The following THSD4 variants were observed in gnomAD, a reference collection of about 807,000 sequenced individuals.
The protein encoded by THSD4 is thrombospondin type 1 domain containing 4, also known as thrombospondin type-1 domain-containing protein 4.
THSD4 carries 69 observed loss-of-function variants against 119.0 expected under a neutral mutation model. That is an observed-to-expected ratio of 0.58 (90% CI 0.48 to 0.71). The LOEUF is 0.71. Ranked by LOEUF, THSD4 falls within the 30% of genes least tolerant of loss-of-function variation. The pLI, the probability that THSD4 is intolerant of heterozygous loss-of-function variation, is 0.00. For synonymous variants in THSD4, 524 were observed against 540.4 expected, an observed-to-expected ratio of 0.97 and a Z score of 0.42; for missense variants, 1,393 against 1,391.1, an observed-to-expected ratio of 1.00 and a Z score of -0.02.
chr15:71,261,790 A>C (rs147611613), intron 6 of THSD4, among the ~76,000 whole-genome samples: 2 of 152,360 alleles, frequency 1.3e-5, no homozygotes, highest in East Asian at 3.9e-4. Context: ...TTAATCAGCT[A>C]TCCTTTACCA....
chr15:71,507,064 T>A (rs967884277), intron 7 of THSD4, among the ~76,000 whole-genome samples: 1 of 152,190 alleles, frequency 6.6e-6, no homozygotes, highest in Non-Finnish European at 1.5e-5. Context: ...GGAGCCTTTT[T>A]AGATGTGTAT....
intron 7 of THSD4, among the ~76,000 whole-genome samples, chr15:71,634,528 G>A (rs1217597147): frequency 6.6e-6 from 1 of 152,200 alleles, no homozygotes; most frequent in Non-Finnish European, 1.5e-5. Context: ...GCTGCAGCTG[G>A]ACAAGTAATA....
At position 71,409,463 on chromosome 15, in the gene THSD4, T is replaced by A. The variant is rs548069246; in HGVS notation, c.1016-2224T>A. Among the ~76,000 whole-genome samples, 10 of 152,340 alleles carry A rather than the reference T, an allele frequency of 6.6e-5. No individual in the cohort carries two copies. The South Asian group carries it at 2.1e-3, about 32-fold the overall frequency. Reference sequence around the variant, plus strand: ...ATTTTGCCTCCAACTTGTCACTTCCTTTCTTAAGCCTGTTTTTTAATCTAT... The same window carrying A: ...ATTTTGCCTCCAACTTGTCACTTCCATTCTTAAGCCTGTTTTTTAATCTAT... On this transcript the variant is annotated intron_variant, in intron 6 of 17. Coordinates refer to ENST00000261862, the MANE Select transcript of THSD4 (RefSeq NM_024817.3).
intron 7 of THSD4, among the ~76,000 whole-genome samples, chr15:71,423,111 G>C (rs1213928752): frequency 3.3e-5 from 5 of 150,880 alleles, no homozygotes; most frequent in African/African-American, 1.2e-4. Context: ...GCCCAGGGCA[G>C]GTGCAGAAAT....
At chr15:71,602,279 C>T (rs190425382) in intron 7 of THSD4, among the ~76,000 whole-genome samples, 250 of 152,004 alleles carry the variant, frequency 1.6e-3, no homozygotes, top group Non-Finnish European at 1.6e-3. Context: ...CTCGGCCAGG[C>T]GCAGTGGCTC....
At chr15:71,216,897 A>G (rs1304524699) in intron 4 of THSD4, among the ~76,000 whole-genome samples, 4 of 152,158 alleles carry the variant, frequency 2.6e-5, no homozygotes, top group Non-Finnish European at 5.9e-5. Flanking sequence ...TCCGGGTTCA[A>G]GCTATTCTCA....
At chr15:71,244,498 G>A (rs2044182432) in intron 5 of THSD4, among the ~76,000 whole-genome samples, 1 of 152,062 alleles carries the variant, frequency 6.6e-6, no homozygotes, top group African/African-American at 2.4e-5. Context: ...TGAATGCCTG[G>A]GTTGCTTTTT....
chr15:71,602,035 G>C (rs1281641176), intron 7 of THSD4, among the ~76,000 whole-genome samples: 1 of 152,154 alleles, frequency 6.6e-6, no homozygotes, highest in Non-Finnish European at 1.5e-5. Flanking sequence ...TGGGATTTCA[G>C]CTGGATCTTA....
chr15:71,172,702 T>TATATGTGAC (rs1555452564), intron 3 of THSD4, among the ~76,000 whole-genome samples: 1 of 103,070 alleles, frequency 9.7e-6, no homozygotes, highest in African/African-American at 5.0e-5. Context: ...TATATATATA[T>TATATGTGAC]ATATATATAT....
chr15:71,099,558 G>A (rs2040245374), intron 1 of THSD4, among the ~76,000 whole-genome samples: 1 of 152,060 alleles, frequency 6.6e-6, no homozygotes. Flanking sequence ...TTGTTCTAAA[G>A]TTGATTTTAA....
chr15:71,591,670 C>G (rs2049809299), intron 7 of THSD4, among the ~76,000 whole-genome samples: 1 of 151,660 alleles, frequency 6.6e-6, no homozygotes, highest in African/African-American at 2.4e-5. Context: ...CCAGTGTAAC[C>G]TTCTGCAAGA....
At chr15:71,097,708 G>GTATA (rs199991097) in intron 1 of THSD4, among the ~76,000 whole-genome samples, 29 of 138,198 alleles carry the variant, frequency 2.1e-4, no homozygotes, top group South Asian at 7.3e-4. Context: ...ACAGAAAGAT[G>GTATA]TATATATATA....
chr15:71,701,740 A>T (rs1434777162), intron 8 of THSD4, among the ~76,000 whole-genome samples: 1 of 152,156 alleles, frequency 6.6e-6, no homozygotes, highest in African/African-American at 2.4e-5. Flanking sequence ...AATTTTGTTT[A>T]TGCCTGTCCG....
chr15:71,415,793 C>A (rs1042024926), intron 7 of THSD4, among the ~76,000 whole-genome samples: 1 of 151,958 alleles, frequency 6.6e-6, no homozygotes, highest in Non-Finnish European at 1.5e-5. Flanking sequence ...CCAAGTTTGT[C>A]TTTTTGTTTG....
intron 7 of THSD4, among the ~76,000 whole-genome samples, chr15:71,567,945 A>G (rs1338161523): frequency 5.9e-5 from 9 of 151,816 alleles, no homozygotes. Context: ...CTCTTCACCC[A>G]CCTTACCCTT....
intron 1 of THSD4, among the ~76,000 whole-genome samples, chr15:71,140,744 G>A (rs767591872): frequency 1.3e-5 from 2 of 152,236 alleles, no homozygotes; most frequent in Non-Finnish European, 2.9e-5. Context: ...ACAATTTCGT[G>A]TACAATTCAG....
chr15:71,377,191 C>A (rs2046150051), intron 6 of THSD4, among the ~76,000 whole-genome samples: 1 of 152,200 alleles, frequency 6.6e-6, no homozygotes, highest in African/African-American at 2.4e-5. Context: ...GGAATAACAT[C>A]AAACCTGACA....
intron 7 of THSD4, among the ~76,000 whole-genome samples, chr15:71,568,407 A>G (rs1046779806): frequency 4.6e-5 from 7 of 151,980 alleles, no homozygotes; most frequent in Admixed American, 2.0e-4. Context: ...GGATCCCGGG[A>G]TTCTATTTTG....
rs1228914603 is a variant in THSD4 at position 71,256,716 on chromosome 15, G to A, written c.1015+1G>A. 8 of 1,613,304 alleles carry A rather than the reference G, an allele frequency of 5.0e-6. No individual in the cohort carries two copies. Among genetic ancestry groups the A allele is most frequent in the Non-Finnish European group, 6.8e-6 (8 of 1,179,474 alleles). ...TATGAGTGGGAACCATTTGCAGAAGGTAAGAATAGACCCAGCCCTGTCCAT... is the reference window on the plus strand; with the variant it reads ...TATGAGTGGGAACCATTTGCAGAAGATAAGAATAGACCCAGCCCTGTCCAT... On this transcript the variant is annotated splice_donor_variant, in intron 6 of 17. Transcript: ENST00000261862. LOFTEE classifies it high-confidence loss of function.
Sources: gnomAD v4.1 joint callset for allele counts (sites outside exome capture counted in the v4.1 genomes callset) on GRCh38, gnomAD v4.1.1 for gene constraint, MANE v1.5 for transcripts, NCBI Gene and HGNC (gene_info 2026-07-23, HGNC 2026-07-21) for gene names.